The following ARHGAP20 variants were observed in gnomAD, a reference collection of about 807,000 sequenced individuals.
ARHGAP20 encodes Rho GTPase activating protein 20.
In ARHGAP20, 34 loss-of-function variants were observed where a neutral mutation model predicts 73.7. The observed-to-expected ratio is 0.46, with a 90% CI of 0.35 to 0.61. ARHGAP20 has a LOEUF of 0.61. ARHGAP20 is among the 20% of genes least tolerant of loss of function. The pLI, the probability that ARHGAP20 is intolerant of heterozygous loss-of-function variation, is 0.00. For missense variants in ARHGAP20, 1,314 were observed against 1,420.9 expected (o/e 0.92, Z 1.21); for synonymous variants, 523 against 518.2 (o/e 1.01, Z -0.13).
At chr11:110,676,039 G>A (rs905726025) in intron 2 of ARHGAP20, among the ~76,000 whole-genome samples, 3 of 152,126 alleles carry the variant, frequency 2.0e-5, no homozygotes, top group South Asian at 2.1e-4. Context: ...AAGCTGAGAC[G>A]TTGAAAATAA....
At chr11:110,673,604 T>C (rs1424755511) in intron 2 of ARHGAP20, among the ~76,000 whole-genome samples, 2 of 152,186 alleles carry the variant, frequency 1.3e-5, no homozygotes, top group African/African-American at 2.4e-5. Flanking sequence ...GTGTAATTTA[T>C]AGAAAGAATT....
At position 110,580,154 on chromosome 11, in the gene ARHGAP20, G is replaced by A. The variant is rs1591288993; in HGVS notation, c.2792C>T (p.Pro931Leu). The A allele has an allele frequency of 6.2e-7, 1 of 1,614,186 alleles. No individual in the cohort carries two copies. The highest frequency in any genetic ancestry group is 1.1e-5 in the South Asian group (1 of 91,074). ...KVLPPRLNLC[P>L]RTSYSSLSSP... ...GGATAAGCTGGAATAGCTGGTCCTTGGGCAAAGGTTTAATCTTGGGGGTAA... is the reference window on the plus strand; with the variant it reads ...GGATAAGCTGGAATAGCTGGTCCTTAGGCAAAGGTTTAATCTTGGGGGTAA... The change falls in exon 15 of 15, where the codon CCA becomes CTA. Residue 931 changes from proline to leucine, a missense_variant. Around this residue, in one of 3 missense-constraint regions of ARHGAP20, gnomAD observed 641 missense variants for 636.9 expected, o/e 1.01. Coordinates refer to ENST00000683387, the MANE Select transcript of ARHGAP20 (RefSeq NM_001384657.1).
At position 110,712,199 on chromosome 11, in the gene ARHGAP20, T is replaced by C. The variant is rs1001506682; in HGVS notation, c.33A>G (p.Leu11=). Reference sequence around the variant, plus strand: ...AAGAGGAGCGCCCCGGCTGTCCCCCTAGAGTCTCCTGCTGGGGGGACATCG... The same window carrying C: ...AAGAGGAGCGCCCCGGCTGTCCCCCCAGAGTCTCCTGCTGGGGGGACATCG... MEAMSPQQET[L]GGQPGRSSSL... is the part of the protein sequence containing the mutation. The change falls in exon 1 of 15, where the codon CTA becomes CTG. Residue 11 remains leucine (L), a synonymous_variant. Coordinates refer to ENST00000683387, the MANE Select transcript of ARHGAP20 (RefSeq NM_001384657.1). 2.2e-6 allele frequency: 3 copies of C among 1,367,188 alleles called. No homozygotes were observed. The highest frequency in any genetic ancestry group is 3.0e-5 in the African/African-American group (2 of 66,652). The allele number at this position is 1,367,188 out of a possible 1,614,324, so 84.7% of individuals were successfully genotyped here.
chr11:110,585,834 T>G (rs1947650175), intron 12 of ARHGAP20, among the ~76,000 whole-genome samples: 1 of 152,164 alleles, frequency 6.6e-6, no homozygotes, highest in South Asian at 2.1e-4. Flanking sequence ...CTATCTACCT[T>G]ACCAGACTGA....
chr11:110,606,658 G>T lies in ARHGAP20; in HGVS notation c.867C>A (p.Asn289Lys). ...GTTCCATAAGGAAGGGCTCCTGGAG[G>T]TTGAAAGGGGTGGTAGAGTCCTTTG... ...PGSKDSTTPF[N>K]LQEPFLMEQL... The change falls in exon 9 of 15, where the codon AAC (asparagine) becomes AAA (lysine). Residue 289 changes from asparagine to lysine, a missense_variant. Physicochemically the swap from Asn to Lys is moderately conservative, Grantham distance 94 (BLOSUM62 0). Coordinates refer to ENST00000683387, the MANE Select transcript of ARHGAP20 (RefSeq NM_001384657.1). 6.2e-7 allele frequency: 1 copy of T among 1,610,340 alleles called. No homozygotes were observed. Among genetic ancestry groups the T allele is most frequent in the Non-Finnish European group, 8.5e-7 (1 of 1,179,000 alleles).
chr11:110,588,284 CAAAGTCATCTG>C (rs1947726238), intron 11 of ARHGAP20, among the ~76,000 whole-genome samples: 1 of 152,222 alleles, frequency 6.6e-6, no homozygotes, highest in Admixed American at 6.5e-5. Context: ...GCAGAACCCT[CAAAGTCATCTG>C]AGATGAGATA....
rs767024934 is a variant in ARHGAP20, at chr11:110,582,469, T to A, written c.1606-34A>T. Reference sequence around the variant, plus strand: ...AAAAGGACAAACGAAGTATTACTTTTCATATTACATGTTTATAAATCACAT... The same window carrying A: ...AAAAGGACAAACGAAGTATTACTTTACATATTACATGTTTATAAATCACAT... On this transcript the variant is annotated intron_variant, in intron 13 of 14. Coordinates refer to ENST00000683387, the MANE Select transcript of ARHGAP20 (RefSeq NM_001384657.1). 4 of 1,323,920 alleles carry A rather than the reference T, an allele frequency of 3.0e-6. No homozygotes were observed. In the East Asian group the frequency reaches 9.2e-5, roughly 30 times the overall value. The allele number at this position is 1,323,920 out of a possible 1,614,324, so 82.0% of individuals were successfully genotyped here.
At chr11:110,629,926 G>A (rs1948825289) in intron 3 of ARHGAP20, among the ~76,000 whole-genome samples, 1 of 152,208 alleles carries the variant, frequency 6.6e-6, no homozygotes. Context: ...CAGAGAAACT[G>A]CATGAGATAT....
chr11:110,608,182 C>T (rs1006124423), intron 8 of ARHGAP20, among the ~76,000 whole-genome samples: 64 of 152,118 alleles, frequency 4.2e-4, no homozygotes, highest in Admixed American at 2.6e-4. Context: ...ATGCTCTGCA[C>T]GATGTCTGGC....
In ARHGAP20 at chr11:110,579,874, A is replaced by AAG; in HGVS notation, c.3071_3072insCT (p.Ser1025PhefsTer7). The AAG allele has an allele frequency of 6.2e-7, 1 of 1,614,246 alleles. No individual in the cohort carries two copies. Among genetic ancestry groups the AAG allele is most frequent in the Non-Finnish European group, 8.5e-7 (1 of 1,180,048 alleles). On this transcript the variant is annotated frameshift_variant, in exon 15 of 15. Transcript: ENST00000683387. LOFTEE classifies it low-confidence loss of function (END_TRUNC). The stretch of plus-strand genomic sequence containing the variant: ...GAAGAGTTACAGAATGCATTTGTGA[A>AAG]TGCCACTCCATGGTGTCCTTCTTTG...
At chr11:110,598,520 T>C (rs1307279071) in intron 9 of ARHGAP20, among the ~76,000 whole-genome samples, 3 of 152,214 alleles carry the variant, frequency 2.0e-5, no homozygotes, top group African/African-American at 7.2e-5. Context: ...GATGAGTTCC[T>C]AGGTCTTAAG....
At chr11:110,593,053 G>T (rs1370510806) in intron 9 of ARHGAP20, among the ~76,000 whole-genome samples, 4 of 152,046 alleles carry the variant, frequency 2.6e-5, no homozygotes, top group African/African-American at 9.7e-5. Context: ...GATGGAGGGG[G>T]TGATCTTGGG....
intron 1 of ARHGAP20, among the ~76,000 whole-genome samples, chr11:110,704,137 T>A (rs996715791): frequency 1.3e-5 from 2 of 152,134 alleles, no homozygotes; most frequent in Non-Finnish European, 2.9e-5. Flanking sequence ...AAAAAGCAGA[T>A]CCACGTCTAT....
chr11:110,646,590 A>C (rs1328708270), intron 2 of ARHGAP20, among the ~76,000 whole-genome samples: 2 of 152,172 alleles, frequency 1.3e-5, no homozygotes, highest in Non-Finnish European at 2.9e-5. Flanking sequence ...GTGAATGCTA[A>C]ATAAAAAGTT....
chr11:110,622,435 G>T (rs1190388621), intron 4 of ARHGAP20, among the ~76,000 whole-genome samples: 1 of 152,136 alleles, frequency 6.6e-6, no homozygotes, highest in African/African-American at 2.4e-5. Context: ...AAGTTCAGAG[G>T]ACTCTAAATG....
chr11:110,581,358 TC>T, intron 14 of ARHGAP20, 133 bp from the exon 15 acceptor site: 1 of 1,032,670 alleles, frequency 9.7e-7, no homozygotes, highest in Non-Finnish European at 1.3e-6. Flanking sequence ...TCTTTCACAA[TC>T]TCAATTGTTA....
rs969923697 is a variant in ARHGAP20, at chr11:110,690,652, T to C, written c.106-23A>G. The C allele has an allele frequency of 5.0e-5, 80 of 1,606,108 alleles. 2 individuals are homozygous for C. The Admixed American group carries it at 1.3e-3, about 26-fold the overall frequency. On this transcript the variant is annotated intron_variant, in intron 1 of 14. Transcript: ENST00000683387. ...TTTCTGTTGATGAAACAAACCAAAA[T>C]GAAGACCACATGGCTTGTAAGGCAA...
In ARHGAP20 at chr11:110,578,271, T is replaced by C. The variant is rs1947340496; in HGVS notation, c.*1099A>G. The C allele has an allele frequency of 8.1e-6, 8 of 985,464 alleles. No individual in the cohort carries two copies. The highest frequency in any genetic ancestry group is 1.7e-5 in the African/African-American group (1 of 57,366). The allele number at this position is 985,464 out of a possible 1,614,324, so 61.0% of individuals were successfully genotyped here. A position where few individuals can be genotyped will look rare whatever the true frequency, so the allele number is the denominator to read the frequency against. On this transcript the variant is annotated 3_prime_UTR_variant, in exon 15 of 15. Coordinates refer to ENST00000683387, the MANE Select transcript of ARHGAP20 (RefSeq NM_001384657.1). The stretch of plus-strand genomic sequence containing the variant: ...AAGCAAATGGCTGTCTGAGAAGGCC[T>C]GGCAGCCACTTTGTTGGGTATTCTA...
rs1348455466 is a variant in ARHGAP20, at chr11:110,583,700, G to A, written c.1453C>T (p.Leu485=). 2.5e-6 allele frequency: 4 copies of A among 1,602,342 alleles called. No homozygotes were observed. Among genetic ancestry groups the A allele is most frequent in the Admixed American group, 3.4e-5 (2 of 59,280 alleles). Residue 485 remains leucine (L), a synonymous_variant, in exon 13 of 15, where the codon CTA becomes TTA. Transcript: ENST00000683387. ...DQLPRANVVL[L]RYLFGVLHNI... ...TGTAACACCCCAAAAAGATACCTTA[G>A]GAGAACAACATTGGCTCTCGGAAGC... is the stretch of plus-strand genomic sequence containing the variant.
Sources: allele counts gnomAD v4.1 joint callset (sites outside exome capture counted in the v4.1 genomes callset), GRCh38; gene constraint gnomAD v4.1.1; regional missense constraint gnomAD v4.1.1; transcripts MANE v1.5; gene names NCBI Gene and HGNC (gene_info 2026-07-23, HGNC 2026-07-21).